The following ZCCHC17 variants were observed in gnomAD, a reference collection of about 807,000 sequenced individuals.
ZCCHC17 encodes the protein zinc finger CCHC-type containing 17.
Under a neutral mutation model 30.6 loss-of-function variants are expected in ZCCHC17, and 18 were observed. The observed-to-expected ratio is 0.59, with a 90% confidence interval of 0.41 to 0.87. The LOEUF (loss-of-function observed/expected upper bound fraction) is 0.87, where lower values mean the gene tolerates loss of function less well. ZCCHC17 is among the 40% of genes least tolerant of loss of function. The pLI is 0.00. For synonymous variants in ZCCHC17, 88 were observed against 92.4 expected (o/e 0.95, Z 0.27); for missense variants, 263 against 284.2 (o/e 0.93, Z 0.54).
chr1:31,364,922 G>A lies in ZCCHC17; in HGVS notation c.*729G>A, dbSNP rs41263947. ...TAAATTCCTGTCACTAAATGGAAAT[G>A]TGTTTGGTTTTAAACTTACTGAGTT... On this transcript the variant is annotated 3_prime_UTR_variant, in exon 8 of 8. Transcript: ENST00000344147. The A allele has an allele frequency of 1.3e-5, 2 of 152,342 alleles. No homozygotes were observed. The highest frequency in any genetic ancestry group is 2.9e-5 in the Non-Finnish European group (2 of 68,032). 9.4% of individuals were successfully genotyped at this position (152,342 alleles called of 1,614,324 possible).
At chr1:31,310,525 C>T (rs890343431) in intron 2 of ZCCHC17, among the ~76,000 whole-genome samples, 1 of 152,210 alleles carries the variant, frequency 6.6e-6, no homozygotes, top group East Asian at 1.9e-4. Flanking sequence ...AGGGCTCCAC[C>T]CTCCTGAAGG....
intron 3 of ZCCHC17, among the ~76,000 whole-genome samples, chr1:31,336,040 C>T (rs150597269): frequency 3.3e-5 from 5 of 151,716 alleles, no homozygotes; most frequent in East Asian, 1.9e-4. Flanking sequence ...GTAATAATAC[C>T]GCAAGTTATT....
intron 1 of ZCCHC17, among the ~76,000 whole-genome samples, chr1:31,304,855 A>G (rs1269633716): frequency 2.6e-5 from 4 of 152,144 alleles, no homozygotes; most frequent in African/African-American, 9.7e-5. Flanking sequence ...TCAGCCTCCC[A>G]AAGTGCTGGG....
At chr1:31,331,947 AACC>A (rs1234326958) in intron 3 of ZCCHC17, among the ~76,000 whole-genome samples, 1 of 152,086 alleles carries the variant, frequency 6.6e-6, no homozygotes, top group Non-Finnish European at 1.5e-5. Flanking sequence ...TAGTACACTA[AACC>A]TTCATGGACA....
rs560504999 is a variant in ZCCHC17 at position 31,304,602 on chromosome 1, A to AT, written c.-55-5430dup. ...GCCTGGCTCAATGTTATATACTCTT[A>AT]TTTTTTTTTTTTAGACGGACTCTCG... On this transcript the variant is annotated intron_variant, in intron 1 of 7. Coordinates refer to ENST00000344147, the MANE Select transcript of ZCCHC17 (RefSeq NM_016505.4). Among the ~76,000 whole-genome samples, 146 of 134,848 alleles carry AT rather than the reference A, an allele frequency of 1.1e-3. 1 individual carries two copies. The South Asian group carries it at 0.014, about 13-fold the overall frequency. The allele number at this position is 134,848 out of a possible 152,430, so 88.5% of individuals were successfully genotyped here.
chr1:31,319,308 A>T, intron 3 of ZCCHC17, 142 bp downstream of exon 3: 1 of 645,342 alleles, frequency 1.5e-6, no homozygotes, highest in Non-Finnish European at 2.6e-6. Flanking sequence ...ATATGAATAC[A>T]AGATGACAGT....
rs1460907872 is a variant in ZCCHC17 at position 31,354,357 on chromosome 1, A to G, written c.564+5383A>G. ...TTGTGGACTCTTTAGGGTTTTCTAC[A>G]TAGAAGATCATGCCATCTGTAAACA... On this transcript the variant is annotated intron_variant, in intron 7 of 7. Transcript: ENST00000344147. 2.6e-5 allele frequency among the ~76,000 whole-genome samples: 4 copies of G among 152,128 alleles called. No homozygotes were observed. In the East Asian group the frequency reaches 7.7e-4, roughly 29 times the overall value.
intron 7 of ZCCHC17, among the ~76,000 whole-genome samples, chr1:31,355,960 C>T (rs1639629473): frequency 6.6e-6 from 1 of 152,136 alleles, no homozygotes; most frequent in African/African-American, 2.4e-5. Context: ...TGTTTCAGGA[C>T]TAGTCAGCTC....
intron 1 of ZCCHC17, among the ~76,000 whole-genome samples, chr1:31,308,450 CA>C (rs1266845627): frequency 6.6e-6 from 1 of 152,194 alleles, no homozygotes. Flanking sequence ...TTACCAAAAT[CA>C]GGACATCAAG....
intron 1 of ZCCHC17, among the ~76,000 whole-genome samples, chr1:31,306,191 AT>A (rs528408282): frequency 1.9e-4 from 28 of 150,622 alleles, no homozygotes; most frequent in South Asian, 6.3e-4. Flanking sequence ...TTAGCATACA[AT>A]TTTTTTTTTC....
chr1:31,327,082 A>G (rs914744526), intron 3 of ZCCHC17, among the ~76,000 whole-genome samples: 8 of 152,288 alleles, frequency 5.3e-5, no homozygotes, highest in African/African-American at 1.4e-4. Flanking sequence ...TTCCCCTCTC[A>G]TAGTATTATC....
chr1:31,304,276 T>TG (rs1417801528), intron 1 of ZCCHC17, among the ~76,000 whole-genome samples: 1 of 151,730 alleles, frequency 6.6e-6, no homozygotes, highest in East Asian at 1.9e-4. Flanking sequence ...TATACTCTTT[T>TG]TTTTTTTTCT....
At chr1:31,315,032 C>T (rs958633799) in intron 2 of ZCCHC17, among the ~76,000 whole-genome samples, 2 of 152,116 alleles carry the variant, frequency 1.3e-5, no homozygotes, top group African/African-American at 4.8e-5. Flanking sequence ...GTTCTACAGT[C>T]ATTTGTTGGT....
At chr1:31,320,580 C>T (rs1646838014) in intron 3 of ZCCHC17, among the ~76,000 whole-genome samples, 1 of 152,188 alleles carries the variant, frequency 6.6e-6, no homozygotes, top group Non-Finnish European at 1.5e-5. Flanking sequence ...AGTATATAGT[C>T]TTTTGTGACT....
At chr1:31,311,828 G>T (rs907755598) in intron 2 of ZCCHC17, among the ~76,000 whole-genome samples, 1 of 152,214 alleles carries the variant, frequency 6.6e-6, no homozygotes, top group Non-Finnish European at 1.5e-5. Flanking sequence ...TCCCCCCCGT[G>T]GGGGTATTAA....
intron 7 of ZCCHC17, among the ~76,000 whole-genome samples, chr1:31,352,871 C>T (rs1011501258): frequency 1.3e-5 from 2 of 152,174 alleles, no homozygotes; most frequent in Non-Finnish European, 2.9e-5. Flanking sequence ...ATCTCTGAGA[C>T]CCCACTCTTC....
chr1:31,316,228 A>G (rs946846846), intron 2 of ZCCHC17, among the ~76,000 whole-genome samples: 2 of 152,154 alleles, frequency 1.3e-5, no homozygotes, highest in Non-Finnish European at 2.9e-5. Flanking sequence ...CAGCTACCCA[A>G]GTAGCTGGGA....
intron 6 of ZCCHC17, 103 bp downstream of exon 6, chr1:31,346,843 T>C: frequency 6.4e-7 from 1 of 1,553,096 alleles, no homozygotes; most frequent in Non-Finnish European, 8.7e-7. Context: ...CCCTGTTTTT[T>C]AGCCAAGTGA....
At chr1:31,358,167 T>C (rs1257955591) in intron 7 of ZCCHC17, among the ~76,000 whole-genome samples, 2 of 152,204 alleles carry the variant, frequency 1.3e-5, no homozygotes, top group Admixed American at 6.5e-5. Context: ...ACAGCTGATG[T>C]TGGGAAAGAG....
Sources: gnomAD v4.1 joint callset for allele counts (sites outside exome capture counted in the v4.1 genomes callset) on GRCh38, gnomAD v4.1.1 for gene constraint, MANE v1.5 for transcripts, NCBI Gene and HGNC (gene_info 2026-07-23, HGNC 2026-07-21) for gene names.